GREB1: variants seen among roughly 807,000 people sequenced by gnomAD.
GREB1 encodes the protein growth regulating estrogen receptor binding 1.
In GREB1, 106 loss-of-function variants were observed where a neutral mutation model predicts 200.7. The observed-to-expected ratio is 0.53, with a 90% CI of 0.45 to 0.62. The LOEUF (loss-of-function observed/expected upper bound fraction) is 0.62. GREB1 is among the 20% of genes least tolerant of loss of function. The pLI, the probability that GREB1 is intolerant of heterozygous loss-of-function variation, is 0.00. For synonymous variants in GREB1, 1,132 were observed against 1,092.4 expected (o/e 1.04, Z -0.72); for missense variants, 2,243 against 2,556.8 (o/e 0.88, Z 2.65).
chr2:11,632,510 T>C (rs948752027), intron 27 of GREB1, among the ~76,000 whole-genome samples: 3 of 152,050 alleles, frequency 2.0e-5, no homozygotes, highest in Admixed American at 1.3e-4. Flanking sequence ...GGCTAATTTT[T>C]GTGTTTTTGT....
At position 11,633,127 on chromosome 2, in the gene GREB1, C is replaced by G. The variant is rs1685021196; in HGVS notation, c.4991+64C>G. 4 of 1,519,418 alleles carry G rather than the reference C, an allele frequency of 2.6e-6. No individual in the cohort carries two copies. In the South Asian group the frequency reaches 4.5e-5, roughly 17 times the overall value. The allele number at this position is 1,519,418 out of a possible 1,614,324, so 94.1% of individuals were successfully genotyped here. On this transcript the variant is annotated intron_variant, in intron 28 of 32. Transcript: ENST00000381486. The surrounding 1 kb of genome is among the most constrained non-coding windows in gnomAD (Gnocchi z 4.1). ...GAATGATGACCAACGAGTGTGCCCT[C>G]TTTGTATGGGGAATGTGCCCACCCC...
intron 17 of GREB1, among the ~76,000 whole-genome samples, chr2:11,605,267 C>T (rs1332169174): frequency 1.3e-5 from 2 of 150,022 alleles, no homozygotes; most frequent in Non-Finnish European, 3.0e-5. Flanking sequence ...ACTCTGTCGC[C>T]CAGGCTGAAG....
intron 1 of GREB1, among the ~76,000 whole-genome samples, chr2:11,516,697 C>T (rs1474372248): frequency 1.3e-5 from 2 of 152,192 alleles, no homozygotes; most frequent in Non-Finnish European, 2.9e-5. Flanking sequence ...CTCCCCGCCC[C>T]AATTCCTGAC....
chr2:11,501,895 GTTTTTTTTTGTTTTTT>G lies in GREB1; in HGVS notation c.-159+19524_-159+19539del, dbSNP rs1178090595. 1.4e-3 allele frequency among the ~76,000 whole-genome samples: 62 copies of G among 45,558 alleles called. 3 individuals are homozygous for G. The highest frequency in any genetic ancestry group is 4.6e-3 in the African/African-American group (52 of 11,240). The allele number at this position is 45,558 out of a possible 152,430, so 29.9% of individuals were successfully genotyped here. On this transcript the variant is annotated intron_variant, in intron 1 of 2. Transcript: ENST00000628795. ...TTACTTATTAGAGCCTGGATTTCCTGTTTTTTTTTGTTTTTTTTTTTTTTTTTTTTTTTTTTTTGAG... is the reference window on the plus strand; with the variant it reads ...TTACTTATTAGAGCCTGGATTTCCTGTTTTTTTTTTTTTTTTTTTTTTGAG...
chr2:11,636,812 A>G (rs771126056), intron 30 of GREB1, among the ~76,000 whole-genome samples: 16,619 of 106,260 alleles, frequency 0.16, 1,426 homozygotes, highest in Middle Eastern at 0.24. Context: ...AGAGGCAGGG[A>G]CAGAGGCAGG....
At position 11,615,209 on chromosome 2, in the gene GREB1, G is replaced by A. The variant is rs749878019; in HGVS notation, c.3241G>A (p.Gly1081Arg). 25 of 1,613,956 alleles carry A rather than the reference G, an allele frequency of 1.5e-5. No homozygotes were observed. The Admixed American group carries it at 2.5e-4, about 16-fold the overall frequency. The change falls in exon 20 of 33, where the codon GGG becomes AGG. Residue 1081 changes from glycine to arginine, a missense_variant. By Grantham distance (125) the Gly-to-Arg change is moderately radical. This residue lies in a region of GREB1 where 587 missense variants were observed against 553.1 expected (regional missense o/e 1.06). Transcript: ENST00000381486. ...GAGCAACGAGGTTCCCTTGGAGAAG[G>A]GGGCTAGGAACGAGGCCTTGGAGAG... ...FVSNEVPLEK[G>R]ARNEALESDA...
chr2:11,607,577 C>T (rs76857251), intron 17 of GREB1, among the ~76,000 whole-genome samples: 352 of 9,506 alleles, frequency 0.037, 3 homozygotes, highest in African/African-American at 0.064. Flanking sequence ...CATATATACA[C>T]ATATATACAT....
In GREB1 at chr2:11,587,373, C is replaced by A. The variant is rs186619045; in HGVS notation, c.1160-1373C>A. On this transcript the variant is annotated intron_variant, in intron 9 of 32. Coordinates refer to ENST00000381486, the MANE Select transcript of GREB1 (RefSeq NM_014668.4). Reference sequence around the variant, plus strand: ...AGCAACTCTTTACCTTGCCTCTTGCCCACTGCAGTATTTGTAAATGGTGCT... The same window carrying A: ...AGCAACTCTTTACCTTGCCTCTTGCACACTGCAGTATTTGTAAATGGTGCT... 1,042 of 1,601,966 alleles carry A rather than the reference C, an allele frequency of 6.5e-4. 5 individuals carry two copies. In the African/African-American group the frequency reaches 0.012, roughly 19 times the overall value.
rs1273527161 is a variant in GREB1 at position 11,562,516 on chromosome 2, G to A, written c.211G>A (p.Glu71Lys). 7.5e-6 allele frequency: 12 copies of A among 1,607,226 alleles called. No homozygotes were observed. Among genetic ancestry groups the A allele is most frequent in the Non-Finnish European group, 1.0e-5 (12 of 1,176,898 alleles). Reference sequence around the variant, plus strand: ...GGAAGAAGAGGGAGAAGGAGGGCTGGAAACAAATGGCCCCCCAAACCCTTT... The same window carrying A: ...GGAAGAAGAGGGAGAAGGAGGGCTGAAAACAAATGGCCCCCCAAACCCTTT... ...EEEEEGEGGL[E>K]TNGPPNPFQL... The change falls in exon 3 of 33, where the codon GAA (glutamate) becomes AAA (lysine). Residue 71 changes from glutamate (E) to lysine (K), a missense_variant. Glu to Lys is a moderately conservative substitution (Grantham distance 56, BLOSUM62 1). This residue lies in a region of GREB1 where 1,178 missense variants were observed against 1,387.4 expected (regional missense o/e 0.85). Coordinates refer to ENST00000381486, the MANE Select transcript of GREB1 (RefSeq NM_014668.4).
At chr2:11,499,156 C>T (rs1241512052) in intron 1 of GREB1, among the ~76,000 whole-genome samples, 1 of 152,156 alleles carries the variant, frequency 6.6e-6, no homozygotes, top group Non-Finnish European at 1.5e-5. Flanking sequence ...ATTCTTACTC[C>T]AGTTGGGTCA....
In GREB1 at chr2:11,629,071, A is replaced by G. The variant is rs1293657745; in HGVS notation, c.4450-877A>G. Among the ~76,000 whole-genome samples, 3 of 152,090 alleles carry G rather than the reference A, an allele frequency of 2.0e-5. No homozygotes were observed. Among genetic ancestry groups the G allele is most frequent in the Non-Finnish European group, 4.4e-5 (3 of 68,016 alleles). On this transcript the variant is annotated intron_variant, in intron 25 of 32. Coordinates refer to ENST00000381486, the MANE Select transcript of GREB1 (RefSeq NM_014668.4). The surrounding 1 kb of genome is among the most constrained non-coding windows in gnomAD (Gnocchi z 5.2). ...TCCTTAACTGCCTCCCCGAGTCAAAATCCCTTTCTCCCTCATCTCTGCTCC... is the reference window on the plus strand; with the variant it reads ...TCCTTAACTGCCTCCCCGAGTCAAAGTCCCTTTCTCCCTCATCTCTGCTCC...
At position 11,640,348 on chromosome 2, in the gene GREB1, G is replaced by A. The variant is rs779065905; in HGVS notation, c.5744G>A (p.Arg1915His). Residue 1915 changes from arginine (R) to histidine (H), a missense_variant, in exon 33 of 33, where the codon CGC becomes CAC. Arg to His is a conservative substitution (Grantham distance 29). Transcript: ENST00000381486. The surrounding 1 kb of genome is among the most constrained non-coding windows in gnomAD (Gnocchi z 4.6). ...AGCTCACTGCGCCAGACGGTCGTCC[G>A]CCTGGAGCTCGAGGACGAGTGGCAG... Reference protein sequence around the residue: ...DRSSLRQTVVRLELEDEWQFR... With the variant: ...DRSSLRQTVVHLELEDEWQFR... 41 of 1,614,124 alleles carry A rather than the reference G, an allele frequency of 2.5e-5. No individual in the cohort carries two copies. The highest frequency in any genetic ancestry group is 1.6e-4 in the Middle Eastern group (1 of 6,062).
chr2:11,529,036 C>T (rs1277802166), intron 1 of GREB1, among the ~76,000 whole-genome samples: 1 of 152,126 alleles, frequency 6.6e-6, no homozygotes, highest in Non-Finnish European at 1.5e-5. Context: ...TTCCCATTCA[C>T]CAGAATTCAG....
rs549808648 is a variant in GREB1, at chr2:11,602,196, A to G, written c.2530-210A>G. 2.6e-5 allele frequency among the ~76,000 whole-genome samples: 4 copies of G among 152,354 alleles called. No individual in the cohort carries two copies. The East Asian group carries it at 5.8e-4, about 22-fold the overall frequency. On this transcript the variant is annotated intron_variant, in intron 16 of 32. Transcript: ENST00000381486. ...CCAAATGAATGGAAAACTCCTGAGC[A>G]ATGGGGACACACCATTTTTAAAGTA...
At chr2:11,484,031 C>T (rs1342014656) in intron 1 of GREB1, among the ~76,000 whole-genome samples, 1 of 152,056 alleles carries the variant, frequency 6.6e-6, no homozygotes, top group African/African-American at 2.4e-5. Flanking sequence ...TGCATTTAAC[C>T]TGGGAGTTAG....
intron 1 of GREB1, among the ~76,000 whole-genome samples, chr2:11,555,325 A>T (rs1336952887): frequency 1.3e-5 from 2 of 152,206 alleles, no homozygotes; most frequent in East Asian, 3.8e-4. Context: ...TCAGGGAGAA[A>T]TGTCAGAACA....
chr2:11,637,730 T>A lies in GREB1; in HGVS notation c.5361T>A (p.Ser1787=), dbSNP rs757705901. 1 of 1,613,368 alleles carries A rather than the reference T, an allele frequency of 6.2e-7. No homozygotes were observed. Residue 1787 remains serine (S), a synonymous_variant, in exon 31 of 33, where the codon TCT becomes TCA. Transcript: ENST00000381486. ...FHITSKVSDN[S]AAVVPAQYIC... is the part of the protein sequence containing the mutation. ...TTCCCGTGCAGGTGTCTGATAACTC[T>A]GCCGCGGTCGTGCCGGCCCAGTACA...
intron 1 of GREB1, among the ~76,000 whole-genome samples, chr2:11,526,008 G>C (rs1051900685): frequency 5.3e-5 from 8 of 152,160 alleles, no homozygotes; most frequent in African/African-American, 1.9e-4. Flanking sequence ...GCGTATTTCA[G>C]CTTGGCATAG....
chr2:11,519,134 G>A (rs1280591217), intron 1 of GREB1, among the ~76,000 whole-genome samples: 2 of 150,312 alleles, frequency 1.3e-5, no homozygotes, highest in South Asian at 4.2e-4. Flanking sequence ...CCCCTCGAAA[G>A]TCTTATCTTT....
Sources: allele counts gnomAD v4.1 joint callset (sites outside exome capture counted in the v4.1 genomes callset), GRCh38; gene constraint gnomAD v4.1.1; regional missense constraint gnomAD v4.1.1; non-coding constraint Gnocchi (gnomAD v3.1); transcripts MANE v1.5; gene names NCBI Gene and HGNC (gene_info 2026-07-23, HGNC 2026-07-21).